The following SLC35F1 variants were observed in gnomAD, a reference collection of about 807,000 sequenced individuals.
The protein encoded by SLC35F1 is chromosome 6 open reading frame 169.
In SLC35F1, 14 loss-of-function variants were observed where a neutral mutation model predicts 48.7. The ratio of observed to expected loss-of-function variants is 0.29; its 90% CI spans 0.19 to 0.45. SLC35F1 has a LOEUF of 0.45. SLC35F1 is among the 20% of genes least tolerant of loss of function. The pLI, the probability that SLC35F1 is intolerant of heterozygous loss-of-function variation, is 1.00. For synonymous variants in SLC35F1, 190 were observed against 202.2 expected, an observed-to-expected ratio of 0.94 and a Z score of 0.51; for missense variants, 404 against 500.0, an observed-to-expected ratio of 0.81 and a Z score of 1.83.
intron 2 of SLC35F1, among the ~76,000 whole-genome samples, chr6:118,224,515 C>A (rs1462246996): frequency 6.6e-6 from 1 of 152,106 alleles, no homozygotes; most frequent in Non-Finnish European, 1.5e-5. Context: ...CCACCTGAGC[C>A]TCCTGAGTAT....
chr6:118,057,925 AGGCAGG>A (rs1772485854), intron 1 of SLC35F1, among the ~76,000 whole-genome samples: 1 of 152,136 alleles, frequency 6.6e-6, no homozygotes, highest in Non-Finnish European at 1.5e-5. Flanking sequence ...ATTAAAAGGC[AGGCAGG>A]GATGTTTGGG....
intron 1 of SLC35F1, among the ~76,000 whole-genome samples, chr6:117,923,153 G>A (rs1372931431): frequency 2.6e-5 from 4 of 152,092 alleles, no homozygotes; most frequent in South Asian, 2.1e-4. Flanking sequence ...TAAAATCCGT[G>A]ATTATACATG....
rs563148059 is a variant in SLC35F1, at chr6:118,029,431, T to G, written c.173+121532T>G. Reference sequence around the variant, plus strand: ...CTTTTATTACCATGTATTGCTAGAATTGTTCTATTTTATTATAAGTTATTG... The same window carrying G: ...CTTTTATTACCATGTATTGCTAGAAGTGTTCTATTTTATTATAAGTTATTG... On this transcript the variant is annotated intron_variant, in intron 1 of 7. Coordinates refer to ENST00000360388, the MANE Select transcript of SLC35F1 (RefSeq NM_001029858.4). 1.7e-4 allele frequency among the ~76,000 whole-genome samples: 26 copies of G among 152,276 alleles called. No homozygotes were observed. The East Asian group carries it at 4.6e-3, about 27-fold the overall frequency.
chr6:118,014,804 G>A (rs907932273), intron 1 of SLC35F1, among the ~76,000 whole-genome samples: 1 of 152,166 alleles, frequency 6.6e-6, no homozygotes, highest in Non-Finnish European at 1.5e-5. Flanking sequence ...AACAGACTAA[G>A]AACAAGCCGG....
chr6:118,032,128 A>T (rs892285679), intron 1 of SLC35F1, among the ~76,000 whole-genome samples: 1 of 152,244 alleles, frequency 6.6e-6, no homozygotes, highest in Non-Finnish European at 1.5e-5. Context: ...AAATTAGCTC[A>T]ATAAACCCAG....
At chr6:118,219,503 C>T (rs1352683917) in intron 2 of SLC35F1, among the ~76,000 whole-genome samples, 1 of 152,118 alleles carries the variant, frequency 6.6e-6, no homozygotes, top group Non-Finnish European at 1.5e-5. Flanking sequence ...ATTAAAAAGT[C>T]AGGAAACAAC....
intron 1 of SLC35F1, among the ~76,000 whole-genome samples, chr6:117,969,373 G>A (rs187204040): frequency 1.3e-5 from 2 of 152,222 alleles, no homozygotes; most frequent in East Asian, 3.9e-4. Flanking sequence ...GACATGGTTG[G>A]TCTTGTAAAA....
intron 1 of SLC35F1, among the ~76,000 whole-genome samples, chr6:118,093,230 G>C (rs780820225): frequency 5.3e-5 from 8 of 152,048 alleles, no homozygotes; most frequent in Non-Finnish European, 1.0e-4. Flanking sequence ...GTAGTAGAAT[G>C]GCATGAACCC....
intron 1 of SLC35F1, among the ~76,000 whole-genome samples, chr6:118,012,898 G>T (rs1043328498): frequency 6.7e-6 from 1 of 149,540 alleles, no homozygotes; most frequent in African/African-American, 2.5e-5. Context: ...GTGGTTACTT[G>T]GAATTTGGAT....
In SLC35F1 at chr6:118,210,684, G is replaced by T. The variant is rs139921601; in HGVS notation, c.350-24825G>T. 2.3e-3 allele frequency among the ~76,000 whole-genome samples: 351 copies of T among 152,290 alleles called. 1 individual carries two copies. The highest frequency in any genetic ancestry group is 8.1e-3 in the African/African-American group (335 of 41,564). ...TGAACTTCTAGATTAAGGCATTTAA[G>T]GGAAGAGGTTCTTCCTATTCACTCA... On this transcript the variant is annotated intron_variant, in intron 2 of 7. Transcript: ENST00000360388.
chr6:118,297,665 AT>A (rs1232010856), intron 7 of SLC35F1, among the ~76,000 whole-genome samples: 5 of 115,456 alleles, frequency 4.3e-5, no homozygotes, highest in African/African-American at 2.0e-4. Flanking sequence ...TATATATAAT[AT>A]TATATAAGTT....
chr6:118,259,866 C>G (rs1186159839), intron 3 of SLC35F1, among the ~76,000 whole-genome samples: 1 of 152,098 alleles, frequency 6.6e-6, no homozygotes. Context: ...AGGGCCACTT[C>G]TCAATATCTA....
At chr6:118,067,532 T>C (rs1324020583) in intron 1 of SLC35F1, among the ~76,000 whole-genome samples, 1 of 152,114 alleles carries the variant, frequency 6.6e-6, no homozygotes, top group East Asian at 1.9e-4. Context: ...CTTAGCGTGA[T>C]GCAAGAAGAC....
chr6:118,214,875 C>T (rs997424235), intron 2 of SLC35F1, among the ~76,000 whole-genome samples: 2 of 152,124 alleles, frequency 1.3e-5, no homozygotes, highest in Admixed American at 6.5e-5. Flanking sequence ...CAATGACATC[C>T]TTAGTTCTGT....
intron 1 of SLC35F1, among the ~76,000 whole-genome samples, chr6:117,930,497 T>C (rs1038559963): frequency 6.6e-6 from 1 of 151,728 alleles, no homozygotes; most frequent in Non-Finnish European, 1.5e-5. Context: ...ATGTACTTAA[T>C]TTTTTTTTCT....
chr6:118,286,893 T>C (rs1562351441), intron 7 of SLC35F1, among the ~76,000 whole-genome samples: 3 of 152,124 alleles, frequency 2.0e-5, no homozygotes, highest in Non-Finnish European at 2.9e-5. Context: ...CACCATGCTG[T>C]ATGTTAGGTC....
chr6:117,974,206 C>T (rs1776678464), intron 1 of SLC35F1, among the ~76,000 whole-genome samples: 1 of 152,152 alleles, frequency 6.6e-6, no homozygotes. Context: ...GCACTTAGTA[C>T]AAGGTCTAGC....
intron 1 of SLC35F1, among the ~76,000 whole-genome samples, chr6:118,017,819 A>G (rs1298358663): frequency 6.6e-6 from 1 of 152,186 alleles, no homozygotes; most frequent in African/African-American, 2.4e-5. Flanking sequence ...TTGATATAAG[A>G]TCAAATTTTA....
At chr6:118,102,665 G>A (rs1428773282) in intron 1 of SLC35F1, among the ~76,000 whole-genome samples, 3 of 152,218 alleles carry the variant, frequency 2.0e-5, no homozygotes, top group East Asian at 1.9e-4. Context: ...AGCCACTGCT[G>A]TGCACCTCAG....
Sources: allele counts gnomAD v4.1 joint callset (sites outside exome capture counted in the v4.1 genomes callset), GRCh38; gene constraint gnomAD v4.1.1; transcripts MANE v1.5; gene names NCBI Gene and HGNC (gene_info 2026-07-23, HGNC 2026-07-21).